The following FSHR variants were observed in gnomAD, a reference collection of about 807,000 sequenced individuals.
FSHR encodes follicle-stimulating hormone receptor.
In FSHR, 46 loss-of-function variants were observed where a neutral mutation model predicts 52.1. The ratio of observed to expected loss-of-function variants is 0.88; its 90% CI spans 0.70 to 1.13. The LOEUF (loss-of-function observed/expected upper bound fraction) is 1.13. Ranked by LOEUF, FSHR falls within the 50% of genes most tolerant of loss-of-function variation. The probability of loss-of-function intolerance (pLI) is 0.00; values close to 1 mark genes in which losing one functional copy is unlikely to be tolerated. For synonymous variants in FSHR, 399 were observed against 309.6 expected, an observed-to-expected ratio of 1.29 and a Z score of -3.03; for missense variants, 964 against 834.6, an observed-to-expected ratio of 1.16 and a Z score of -1.91.
intron 1 of FSHR, among the ~76,000 whole-genome samples, chr2:49,076,777 G>C (rs1669964188): frequency 1.3e-5 from 2 of 152,188 alleles, no homozygotes; most frequent in South Asian, 2.1e-4. Flanking sequence ...TTCCAAATGA[G>C]AGAAAGTGGC....
At chr2:49,052,680 C>T (rs1170967050) in intron 2 of FSHR, among the ~76,000 whole-genome samples, 3 of 152,150 alleles carry the variant, frequency 2.0e-5, no homozygotes, top group Non-Finnish European at 4.4e-5. Flanking sequence ...CTAACACTGG[C>T]CTTTCATTTT....
chr2:49,012,444 G>T (rs116639485), intron 4 of FSHR, among the ~76,000 whole-genome samples: 3,308 of 152,100 alleles, frequency 0.022, 112 homozygotes, highest in African/African-American at 0.075. Flanking sequence ...GTTCCTCAGT[G>T]AAGCATGAAG....
intron 4 of FSHR, among the ~76,000 whole-genome samples, chr2:49,007,130 T>G (rs982747568): frequency 1.3e-5 from 2 of 152,120 alleles, no homozygotes; most frequent in African/African-American, 2.4e-5. Flanking sequence ...CTTTCCACCA[T>G]GCACATGGCT....
At chr2:49,152,512 T>C (rs1673099892) in intron 1 of FSHR, among the ~76,000 whole-genome samples, 1 of 151,912 alleles carries the variant, frequency 6.6e-6, no homozygotes, top group African/African-American at 2.4e-5. Flanking sequence ...CTTTCTCTTT[T>C]TCCCTTTTTC....
chr2:48,993,206 C>T (rs1488284172), intron 4 of FSHR, among the ~76,000 whole-genome samples: 1 of 152,114 alleles, frequency 6.6e-6, no homozygotes, highest in Non-Finnish European at 1.5e-5. Flanking sequence ...TAGATTCATA[C>T]TTGCTGTCTG....
At chr2:49,087,107 A>T (rs1360865179) in intron 1 of FSHR, among the ~76,000 whole-genome samples, 1 of 114,300 alleles carries the variant, frequency 8.7e-6, no homozygotes, top group Non-Finnish European at 1.7e-5. Context: ...TTACAAAGCT[A>T]CTTCTATCCC....
rs141781422 is a variant in FSHR at position 48,996,066 on chromosome 2, C to G, written c.375-5429G>C. Among the ~76,000 whole-genome samples the G allele has an allele frequency of 3.2e-3, 480 of 152,228 alleles. 6 individuals are homozygous for G. The highest frequency in any genetic ancestry group is 0.011 in the African/African-American group (464 of 41,558). On this transcript the variant is annotated intron_variant, in intron 4 of 9. Transcript: ENST00000406846. Reference sequence around the variant, plus strand: ...TTATCCTTTTAGCCAAAGCGCATTTCCTAGTAACCAAGGCTGAGGGTTTGA... The same window carrying G: ...TTATCCTTTTAGCCAAAGCGCATTTGCTAGTAACCAAGGCTGAGGGTTTGA...
chr2:49,036,503 C>T (rs201429752), intron 2 of FSHR, among the ~76,000 whole-genome samples: 1 of 52,934 alleles, frequency 1.9e-5, no homozygotes, highest in Admixed American at 1.4e-4. Flanking sequence ...ATCTGTATAT[C>T]TATATCTATA....
intron 1 of FSHR, among the ~76,000 whole-genome samples, chr2:49,081,718 G>A (rs1015136264): frequency 2.3e-4 from 35 of 152,062 alleles, no homozygotes; most frequent in Non-Finnish European, 3.8e-4. Context: ...TGATAAATGG[G>A]GTGGGTGGAA....
At chr2:49,119,695 C>T (rs1043970016) in intron 1 of FSHR, among the ~76,000 whole-genome samples, 1 of 152,160 alleles carries the variant, frequency 6.6e-6, no homozygotes, top group African/African-American at 2.4e-5. Context: ...TGGACACGCT[C>T]CCTTTGCAGT....
intron 1 of FSHR, among the ~76,000 whole-genome samples, chr2:49,140,604 G>T (rs1257822726): frequency 6.6e-6 from 1 of 151,990 alleles, no homozygotes; most frequent in Non-Finnish European, 1.5e-5. Flanking sequence ...AGAGGCTGAG[G>T]CAGGAGAATC....
chr2:49,019,630 AT>A (rs1667619387), intron 3 of FSHR, among the ~76,000 whole-genome samples: 1 of 152,228 alleles, frequency 6.6e-6, no homozygotes, highest in African/African-American at 2.4e-5. Context: ...ATGTAATTTT[AT>A]TATTCCAGTT....
intron 1 of FSHR, among the ~76,000 whole-genome samples, chr2:49,099,290 T>C (rs1372461845): frequency 2.6e-5 from 4 of 152,040 alleles, no homozygotes; most frequent in African/African-American, 9.7e-5. Flanking sequence ...TCTCATGAGA[T>C]CTGGTGGTTT....
chr2:49,142,245 G>T (rs1374239805), intron 1 of FSHR, among the ~76,000 whole-genome samples: 1 of 152,166 alleles, frequency 6.6e-6, no homozygotes, highest in East Asian at 1.9e-4. Flanking sequence ...CATTCAAGTT[G>T]TAGTAAGTTT....
At chr2:49,001,688 T>C (rs957350313) in intron 4 of FSHR, among the ~76,000 whole-genome samples, 1 of 152,174 alleles carries the variant, frequency 6.6e-6, no homozygotes, top group Admixed American at 6.5e-5. Context: ...CCCAAGAAGA[T>C]GATCACAAAT....
At chr2:49,130,021 C>T (rs1268721670) in intron 1 of FSHR, among the ~76,000 whole-genome samples, 1 of 152,152 alleles carries the variant, frequency 6.6e-6, no homozygotes, top group Non-Finnish European at 1.5e-5. Context: ...GTTATAAACT[C>T]TCTTTCTCAA....
intron 8 of FSHR, among the ~76,000 whole-genome samples, chr2:48,975,865 T>C (rs555495842): frequency 7.2e-5 from 11 of 152,342 alleles, no homozygotes; most frequent in African/African-American, 2.6e-4. Flanking sequence ...TGAAGTTGCT[T>C]ATCAGCTTAA....
intron 4 of FSHR, among the ~76,000 whole-genome samples, chr2:49,009,637 T>A (rs1423556163): frequency 6.6e-6 from 1 of 150,720 alleles, no homozygotes; most frequent in Non-Finnish European, 1.5e-5. Context: ...ATTTTCACGA[T>A]ATTGATTCTT....
intron 1 of FSHR, among the ~76,000 whole-genome samples, chr2:49,078,419 G>A (rs771017885): frequency 6.6e-6 from 1 of 152,158 alleles, no homozygotes; most frequent in Non-Finnish European, 1.5e-5. Flanking sequence ...AAGAAGTAAT[G>A]CTCTCCAACC....
Sources: allele counts gnomAD v4.1 joint callset (sites outside exome capture counted in the v4.1 genomes callset), GRCh38; gene constraint gnomAD v4.1.1; transcripts MANE v1.5; gene names NCBI Gene and HGNC (gene_info 2026-07-23, HGNC 2026-07-21).